Variants in INPP4B observed in about 807,000 individuals in gnomAD.
INPP4B encodes inositol polyphosphate-4-phosphatase type II B, also known as inositol polyphosphate 4-phosphatase type II.
Under a neutral mutation model 122.5 loss-of-function variants are expected in INPP4B, and 55 were observed. That is an observed-to-expected ratio of 0.45 (90% CI 0.36 to 0.56). The LOEUF (loss-of-function observed/expected upper bound fraction) is 0.56. Among genes scored for constraint, INPP4B ranks in the 20% least tolerant of loss-of-function variants. INPP4B has a pLI of 0.00. For synonymous variants in INPP4B, 403 were observed against 388.7 expected (o/e 1.04, Z -0.43); for missense variants, 1,000 against 1,097.7 (o/e 0.91, Z 1.26).
upstream of INPP4B, chr4:142,846,427 A>G (rs1381491275): frequency 6.6e-6 from 1 of 152,408 alleles, no homozygotes; most frequent in African/African-American, 2.4e-5. This position sits in a 1 kb window ranked among gnomAD's most constrained non-coding sequence, Gnocchi z 5.1. Context: ...GCGAGGCTCC[A>G]GCAGCTCCCC....
intron 21 of INPP4B, among the ~76,000 whole-genome samples, chr4:142,117,643 G>C (rs1038892721): frequency 5.9e-5 from 9 of 152,080 alleles, no homozygotes; most frequent in Admixed American, 2.0e-4. Flanking sequence ...CAATAAATTA[G>C]GTATCGATGG....
intron 2 of INPP4B, among the ~76,000 whole-genome samples, chr4:142,633,028 GA>G (rs1349374510): frequency 2.6e-5 from 4 of 151,824 alleles, no homozygotes; most frequent in Non-Finnish European, 4.4e-5. Context: ...TATGGACAAA[GA>G]AAAGTTGAAA....
At chr4:142,400,337 T>C (rs1497401) in intron 7 of INPP4B, among the ~76,000 whole-genome samples, 80,025 of 151,922 alleles carry the variant, frequency 0.53, 24,150 homozygotes, top group South Asian at 0.79. Context: ...ATTTAAACTA[T>C]CTTAAAACAC....
chr4:142,398,445 T>TATATATATATAAA (rs749321202), intron 7 of INPP4B, among the ~76,000 whole-genome samples: 6 of 74,558 alleles, frequency 8.0e-5, no homozygotes, highest in East Asian at 4.5e-4. Flanking sequence ...TATATATATA[T>TATATATATATAAA]AAAACATATT....
chr4:142,316,815 G>A (rs1408908900), intron 7 of INPP4B, among the ~76,000 whole-genome samples: 1 of 152,172 alleles, frequency 6.6e-6, no homozygotes, highest in Non-Finnish European at 1.5e-5. Flanking sequence ...TATTAGTGAT[G>A]TTATGGTACA....
At chr4:142,789,132 G>A (rs117478966) in intron 1 of INPP4B, among the ~76,000 whole-genome samples, 14 of 151,986 alleles carry the variant, frequency 9.2e-5, no homozygotes, top group Admixed American at 2.0e-4. Flanking sequence ...ACATAATACC[G>A]ACTGGGAAAA....
chr4:142,842,805 T>A (rs1279663448), intron 1 of INPP4B, among the ~76,000 whole-genome samples: 1 of 133,212 alleles, frequency 7.5e-6, no homozygotes, highest in Admixed American at 8.4e-5. Context: ...TAATTATATA[T>A]AAATATGTAT....
intron 2 of INPP4B, among the ~76,000 whole-genome samples, chr4:142,624,017 C>T (rs1234728033): frequency 1.3e-5 from 2 of 152,006 alleles, no homozygotes; most frequent in African/African-American, 2.4e-5. Context: ...TGAATACTGC[C>T]GCAATAAACA....
intron 7 of INPP4B, among the ~76,000 whole-genome samples, chr4:142,386,656 C>T (rs1040229419): frequency 3.3e-5 from 5 of 152,190 alleles, no homozygotes; most frequent in African/African-American, 1.2e-4. Flanking sequence ...TTCCGTACCT[C>T]ACTTCTGATA....
chr4:142,457,152 C>T (rs932062276), intron 3 of INPP4B, among the ~76,000 whole-genome samples: 3 of 151,872 alleles, frequency 2.0e-5, no homozygotes, highest in African/African-American at 4.8e-5. Context: ...TATTAATAAT[C>T]TAATTGTAAA....
intron 12 of INPP4B, among the ~76,000 whole-genome samples, chr4:142,234,192 C>A (rs2149898613): frequency 6.6e-6 from 1 of 152,280 alleles, no homozygotes; most frequent in South Asian, 2.1e-4. Flanking sequence ...CAATGTCCAG[C>A]TCTTTGTCCT....
chr4:142,507,671 A>G (rs1172436763), intron 2 of INPP4B, among the ~76,000 whole-genome samples: 1 of 152,182 alleles, frequency 6.6e-6, no homozygotes, highest in Admixed American at 6.5e-5. Context: ...TGAGAGTATC[A>G]GCAGCTTGAA....
chr4:142,649,740 T>C (rs1021108964), intron 2 of INPP4B, among the ~76,000 whole-genome samples: 2 of 152,186 alleles, frequency 1.3e-5, no homozygotes, highest in Admixed American at 6.5e-5. Context: ...CTATGTTTAA[T>C]AGATATATCT....
At chr4:142,476,871 C>T (rs970662644) in intron 2 of INPP4B, among the ~76,000 whole-genome samples, 4 of 152,148 alleles carry the variant, frequency 2.6e-5, no homozygotes, top group African/African-American at 7.2e-5. Context: ...ACTCCAAAAC[C>T]CCACTGACAG....
chr4:142,111,008 G>T (rs1789744501), intron 22 of INPP4B, among the ~76,000 whole-genome samples: 1 of 152,072 alleles, frequency 6.6e-6, no homozygotes. Context: ...GCTCCAAGTT[G>T]TATAGTTCAT....
chr4:142,348,614 G>T (rs1056467170), intron 7 of INPP4B, among the ~76,000 whole-genome samples: 1 of 151,964 alleles, frequency 6.6e-6, no homozygotes, highest in Non-Finnish European at 1.5e-5. Flanking sequence ...GGAAATAAAA[G>T]AACTTCTTTC....
chr4:142,841,217 T>C (rs1182727277), intron 1 of INPP4B, among the ~76,000 whole-genome samples: 3 of 151,990 alleles, frequency 2.0e-5, no homozygotes, highest in African/African-American at 4.8e-5. Context: ...CTTTAAAGCT[T>C]CCTTGGAGAT....
chr4:142,516,734 A>G (rs1825461493), intron 2 of INPP4B, among the ~76,000 whole-genome samples: 2 of 151,448 alleles, frequency 1.3e-5, no homozygotes, highest in Non-Finnish European at 2.9e-5. Context: ...GTGAAAGGAC[A>G]GTGAGGTCAG....
chr4:142,678,406 A>T (rs967450948), intron 2 of INPP4B, among the ~76,000 whole-genome samples: 1 of 151,940 alleles, frequency 6.6e-6, no homozygotes, highest in African/African-American at 2.4e-5. Flanking sequence ...AGATGGTGTT[A>T]TAGTCTGTAG....
Sources: gnomAD v4.1 joint callset for allele counts (sites outside exome capture counted in the v4.1 genomes callset) on GRCh38, gnomAD v4.1.1 for gene constraint, Gnocchi (gnomAD v3.1) non-coding constraint, MANE v1.5 for transcripts, NCBI Gene and HGNC (gene_info 2026-07-23, HGNC 2026-07-21) for gene names.